Variants in NELL2 observed in about 807,000 individuals in gnomAD.
The protein encoded by NELL2 is neural EGFL like 2.
NELL2 carries 41 observed loss-of-function variants against 109.6 expected under a neutral mutation model. The observed-to-expected ratio is 0.37, with a 90% CI of 0.29 to 0.49. The LOEUF is 0.49. NELL2 is among the 20% of genes least tolerant of loss of function. The probability of loss-of-function intolerance (pLI) is 0.98; values close to 1 mark genes in which losing one functional copy is unlikely to be tolerated. For missense variants in NELL2, 900 were observed against 1,008.3 expected (o/e 0.89, Z 1.45); for synonymous variants, 355 against 344.7 (o/e 1.03, Z -0.33).
chr12:44,665,989 C>T (rs1460102024), intron 12 of NELL2, among the ~76,000 whole-genome samples: 2 of 152,150 alleles, frequency 1.3e-5, no homozygotes, highest in Non-Finnish European at 2.9e-5. Flanking sequence ...ACCAGCTATT[C>T]TGTACAGTTG....
intron 13 of NELL2, among the ~76,000 whole-genome samples, chr12:44,620,111 C>T (rs1945994543): frequency 7.0e-6 from 1 of 142,848 alleles, no homozygotes; most frequent in Non-Finnish European, 1.5e-5. Context: ...TTCTTGTTCG[C>T]CTGGGTTTTG....
At chr12:44,896,754 A>C (rs1238048376) in intron 1 of NELL2, among the ~76,000 whole-genome samples, 1 of 152,186 alleles carries the variant, frequency 6.6e-6, no homozygotes, top group African/African-American at 2.4e-5. Context: ...TTTATTTTTA[A>C]AGGGCAGATG....
chr12:44,585,247 G>A (rs1944450904), intron 15 of NELL2, among the ~76,000 whole-genome samples: 2 of 152,134 alleles, frequency 1.3e-5, no homozygotes, highest in Non-Finnish European at 2.9e-5. Flanking sequence ...ATATACATAT[G>A]AGGATTTGCA....
intron 12 of NELL2, among the ~76,000 whole-genome samples, chr12:44,680,685 C>T (rs191166617): frequency 6.6e-6 from 1 of 152,104 alleles, no homozygotes; most frequent in South Asian, 2.1e-4. Flanking sequence ...ACACATGGGG[C>T]TCTGTTTTCT....
At chr12:44,873,463 A>G (rs1592691037) in intron 2 of NELL2, among the ~76,000 whole-genome samples, 1 of 152,266 alleles carries the variant, frequency 6.6e-6, no homozygotes, top group African/African-American at 2.4e-5. Context: ...TTTCCTAAAA[A>G]TGGTTTAATT....
At chr12:44,876,683 G>A, upstream of NELL2, 3 of 1,550,802 alleles carry the variant, frequency 1.9e-6, no homozygotes, top group East Asian at 7.3e-5. Flanking sequence ...AGGCTGGAGC[G>A]AGTAGCGCTC....
chr12:44,684,970 CCTTGTTGA>C (rs1948664291), intron 12 of NELL2, among the ~76,000 whole-genome samples: 1 of 151,960 alleles, frequency 6.6e-6, no homozygotes, highest in Non-Finnish European at 1.5e-5. Flanking sequence ...TCCTGGGTAT[CCTTGTTGA>C]CTTTCTGTCT....
At chr12:44,536,137 T>C (rs1359341193) in intron 15 of NELL2, among the ~76,000 whole-genome samples, 1 of 151,998 alleles carries the variant, frequency 6.6e-6, no homozygotes, top group Non-Finnish European at 1.5e-5. Flanking sequence ...CTAGAAGGCA[T>C]GTTTTTTTCG....
At chr12:44,876,793 A>G, upstream of NELL2, 2 of 1,383,870 alleles carry the variant, frequency 1.4e-6, no homozygotes, top group South Asian at 1.7e-5. Flanking sequence ...GGGCGTGCGG[A>G]GGAAGGCCAC....
chr12:44,782,310 AC>A (rs1169652777), intron 3 of NELL2, among the ~76,000 whole-genome samples: 1 of 151,878 alleles, frequency 6.6e-6, no homozygotes, highest in Non-Finnish European at 1.5e-5. Context: ...AAATTGTAAA[AC>A]AAGTAACCCA....
rs17094930 is a variant in NELL2, at chr12:44,675,069, C to T, written c.1319-9460G>A. Among the ~76,000 whole-genome samples the T allele has an allele frequency of 3.5e-3, 535 of 152,234 alleles. 14 individuals are homozygous for T. The East Asian group carries it at 0.082, about 23-fold the overall frequency. Reference sequence around the variant, plus strand: ...TCATTTACAATGGTCTGATGTGAAGCTCAACGTGGCAGAGTGAATTCATTG... The same window carrying T: ...TCATTTACAATGGTCTGATGTGAAGTTCAACGTGGCAGAGTGAATTCATTG... On this transcript the variant is annotated intron_variant, in intron 12 of 19. Coordinates refer to ENST00000429094, the MANE Select transcript of NELL2 (RefSeq NM_001145108.2).
At chr12:44,612,415 C>A (rs1945654548) in intron 13 of NELL2, among the ~76,000 whole-genome samples, 1 of 151,554 alleles carries the variant, frequency 6.6e-6, no homozygotes, top group Non-Finnish European at 1.5e-5. Context: ...TAGAACTGCA[C>A]AAATGGATAT....
At chr12:44,840,126 T>A (rs1592634631) in intron 2 of NELL2, among the ~76,000 whole-genome samples, 1 of 152,130 alleles carries the variant, frequency 6.6e-6, no homozygotes, top group East Asian at 1.9e-4. Context: ...CTCCCTTATC[T>A]CATTGGCCTG....
intron 13 of NELL2, among the ~76,000 whole-genome samples, chr12:44,636,533 A>G (rs904253286): frequency 6.6e-6 from 1 of 152,018 alleles, no homozygotes; most frequent in Non-Finnish European, 1.5e-5. Context: ...TGCATCTATT[A>G]AGATAATCAT....
At chr12:44,735,741 T>C (rs1939604500) in intron 9 of NELL2, among the ~76,000 whole-genome samples, 1 of 152,166 alleles carries the variant, frequency 6.6e-6, no homozygotes, top group Admixed American at 6.5e-5. Context: ...GAGAATCCCT[T>C]GCTATTATTT....
intron 15 of NELL2, among the ~76,000 whole-genome samples, chr12:44,541,660 A>G (rs981836754): frequency 2.6e-5 from 4 of 152,276 alleles, no homozygotes; most frequent in Admixed American, 6.5e-5. Context: ...TAATAATAAT[A>G]AGTCCAGAAC....
chr12:44,876,303 A>C lies in NELL2; in HGVS notation c.-434T>G. ...TCCCCGCCGCCCGAACCTGTTGTAA[A>C]GGCAGAGACAATGGAGAAAGCTCCG... On this transcript the variant is annotated 5_prime_UTR_variant, in exon 1 of 20. Coordinates refer to ENST00000429094, the MANE Select transcript of NELL2 (RefSeq NM_001145108.2). The C allele has an allele frequency of 8.7e-7, 1 of 1,154,718 alleles. No individual in the cohort carries two copies. Among genetic ancestry groups the C allele is most frequent in the South Asian group, 3.1e-5 (1 of 32,530 alleles). 71.5% of individuals were successfully genotyped at this position (1,154,718 alleles called of 1,614,324 possible).
At chr12:44,578,829 A>G (rs1311746092) in intron 15 of NELL2, among the ~76,000 whole-genome samples, 1 of 152,168 alleles carries the variant, frequency 6.6e-6, no homozygotes, top group Non-Finnish European at 1.5e-5. Flanking sequence ...TATAAGGGAA[A>G]TGTCTTAAGG....
chr12:44,569,432 GTT>G (rs1355086868), intron 15 of NELL2, among the ~76,000 whole-genome samples: 1 of 152,064 alleles, frequency 6.6e-6, no homozygotes, highest in Non-Finnish European at 1.5e-5. Context: ...TGCTATTTCT[GTT>G]TTTGGGTCTT....
Sources: gnomAD v4.1 joint callset for allele counts (sites outside exome capture counted in the v4.1 genomes callset) on GRCh38, gnomAD v4.1.1 for gene constraint, MANE v1.5 for transcripts, NCBI Gene and HGNC (gene_info 2026-07-23, HGNC 2026-07-21) for gene names.